CEP70: variants seen among roughly 807,000 people sequenced by gnomAD.
CEP70 encodes the protein centrosomal protein 70, also known as centrosomal protein of 70 kDa.
CEP70 carries 70 observed loss-of-function variants against 90.9 expected under a neutral mutation model. That is an observed-to-expected ratio of 0.77 (90% CI 0.64 to 0.94). CEP70 has a LOEUF of 0.94. Ranked by LOEUF, CEP70 falls within the 40% of genes least tolerant of loss-of-function variation. The pLI is 0.00. For synonymous variants in CEP70, 220 were observed against 228.3 expected, an observed-to-expected ratio of 0.96 and a Z score of 0.33; for missense variants, 648 against 669.0, an observed-to-expected ratio of 0.97 and a Z score of 0.35.
chr3:138,505,446 G>A lies in CEP70; in HGVS notation c.1070C>T (p.Ser357Leu), dbSNP rs2034898868. 1 of 1,603,764 alleles carries A rather than the reference G, an allele frequency of 6.2e-7. No individual in the cohort carries two copies. The highest frequency in any genetic ancestry group is 8.5e-7 in the Non-Finnish European group (1 of 1,176,230). ...TGGAGCTCTTGGATTGTGGATAATT[G>A]AATTGATGCTACACAGCACCTTTAA... ...RYFQVLCSIN[S>L]IIHNPRAPVI... The change falls in exon 13 of 18, where the codon TCA becomes TTA. Residue 357 changes from serine (S) to leucine (L), a missense_variant. Transcript: ENST00000264982.
intron 6 of CEP70, among the ~76,000 whole-genome samples, chr3:138,566,023 A>T (rs1560425039): frequency 6.6e-6 from 1 of 152,248 alleles, no homozygotes; most frequent in Non-Finnish European, 1.5e-5. Context: ...AAGGATATGA[A>T]CAGACACTTG....
chr3:138,565,922 C>T (rs191708871), intron 6 of CEP70, among the ~76,000 whole-genome samples: 302 of 152,008 alleles, frequency 2.0e-3, no homozygotes, highest in South Asian at 8.5e-3. Flanking sequence ...TGCAATCTAC[C>T]CATCTGACAA....
chr3:138,497,000 CAT>C, intron 17 of CEP70: 1 of 991,514 alleles, frequency 1.0e-6, no homozygotes, highest in South Asian at 4.6e-5. Context: ...AAGCAAGAAT[CAT>C]ATTATTCTAT....
chr3:138,505,422 G>A lies in CEP70; in HGVS notation c.1094C>T (p.Pro365Leu). The change falls in exon 13 of 18, where the codon CCA (proline) becomes CTA (leucine). Residue 365 changes from proline (P) to leucine (L), a missense_variant. Transcript: ENST00000264982. ...TTTGGTCTGTTTATAAATTATTACT[G>A]GAGCTCTTGGATTGTGGATAATTGA... Reference protein sequence around the residue: ...INSIIHNPRAPVIIYKQTKGG... With the variant: ...INSIIHNPRALVIIYKQTKGG... 6.2e-7 allele frequency: 1 copy of A among 1,608,838 alleles called. No individual in the cohort carries two copies. Among genetic ancestry groups the A allele is most frequent in the Non-Finnish European group, 8.5e-7 (1 of 1,178,094 alleles).
In CEP70 at chr3:138,555,094, C is replaced by A. The variant is rs180959300; in HGVS notation, c.465+15224G>T. Among the ~76,000 whole-genome samples the A allele has an allele frequency of 2.3e-3, 356 of 152,084 alleles. 1 individual carries two copies. Among genetic ancestry groups the A allele is most frequent in the Non-Finnish European group, 3.1e-3 (208 of 67,980 alleles). ...TGAAACCCTGTCTCTACTAAAAATA[C>A]ATAAATTAGCTGGTCATGGTGGCAG... On this transcript the variant is annotated intron_variant, in intron 6 of 17. Transcript: ENST00000264982.
chr3:138,536,079 A>T (rs1307449808), intron 7 of CEP70, among the ~76,000 whole-genome samples: 1 of 152,084 alleles, frequency 6.6e-6, no homozygotes, highest in African/African-American at 2.4e-5. Flanking sequence ...TAAAATAGAA[A>T]CATCTAATTA....
intron 7 of CEP70, 22 bp downstream of exon 7, chr3:138,537,156 T>A (rs1203895844): frequency 4.1e-6 from 6 of 1,458,524 alleles, no homozygotes; most frequent in Non-Finnish European, 5.5e-6. Flanking sequence ...TAGCTACATA[T>A]CAATTTATGT....
intron 11 of CEP70, among the ~76,000 whole-genome samples, chr3:138,523,515 A>G (rs1398703187): frequency 6.6e-6 from 1 of 152,142 alleles, no homozygotes; most frequent in African/African-American, 2.4e-5. Flanking sequence ...CTGATAGGCA[A>G]CTTCAGCAAA....
intron 13 of CEP70, among the ~76,000 whole-genome samples, chr3:138,501,644 C>T (rs957481358): frequency 2.6e-5 from 4 of 152,094 alleles, no homozygotes; most frequent in African/African-American, 9.7e-5. Context: ...GTGAAAGGTT[C>T]CCTAAATGTA....
intron 6 of CEP70, among the ~76,000 whole-genome samples, chr3:138,569,776 A>G (rs186503411): frequency 2.5e-4 from 38 of 152,246 alleles, no homozygotes; most frequent in African/African-American, 8.2e-4. Flanking sequence ...GCTGAGGTGG[A>G]AGGATCACTT....
chr3:138,573,071 C>T (rs2041287370), intron 2 of CEP70, 139 bp from the exon 3 acceptor site: 3 of 629,452 alleles, frequency 4.8e-6, no homozygotes, highest in African/African-American at 3.7e-5. Flanking sequence ...CAATTCAGGT[C>T]ATTCCTGCGT....
intron 6 of CEP70, among the ~76,000 whole-genome samples, chr3:138,559,127 C>T: frequency 6.6e-6 from 1 of 152,012 alleles, no homozygotes; most frequent in Non-Finnish European, 1.5e-5. Context: ...AGCAAAGACA[C>T]TAGAAATTCT....
chr3:138,511,896 A>C (rs1187049027), intron 11 of CEP70, among the ~76,000 whole-genome samples: 2 of 152,232 alleles, frequency 1.3e-5, no homozygotes. Flanking sequence ...TATTACTGAA[A>C]AACTTCACAT....
At chr3:138,549,392 G>A (rs547152755) in intron 6 of CEP70, among the ~76,000 whole-genome samples, 3 of 151,924 alleles carry the variant, frequency 2.0e-5, no homozygotes, top group East Asian at 1.9e-4. Context: ...GAGTGAGACC[G>A]GCCTTTTGGA....
intron 6 of CEP70, among the ~76,000 whole-genome samples, chr3:138,547,475 A>G (rs2039299423): frequency 6.6e-6 from 1 of 152,196 alleles, no homozygotes; most frequent in Non-Finnish European, 1.5e-5. Context: ...AACTAGCATT[A>G]ATTTCTTTTT....
intron 7 of CEP70, among the ~76,000 whole-genome samples, chr3:138,534,414 C>T (rs775759940): frequency 1.3e-5 from 2 of 152,306 alleles, no homozygotes; most frequent in African/African-American, 2.4e-5. Flanking sequence ...ATCCTCTTGA[C>T]CTACTTCCCC....
chr3:138,541,957 G>A (rs760524766), intron 6 of CEP70, among the ~76,000 whole-genome samples: 4 of 152,128 alleles, frequency 2.6e-5, no homozygotes, highest in Admixed American at 6.5e-5. Context: ...TCAGTGTGTC[G>A]CTTCACCAGC....
intron 17 of CEP70, 24 bp from the exon 18 acceptor site, chr3:138,495,100 T>A: frequency 7.1e-7 from 1 of 1,399,044 alleles, no homozygotes. Context: ...ACAGTAATAA[T>A]AAAAGAGAGT....
intron 6 of CEP70, among the ~76,000 whole-genome samples, chr3:138,557,871 T>C (rs2040132483): frequency 6.6e-6 from 1 of 152,188 alleles, no homozygotes. Context: ...ATATTAGAGT[T>C]ATCAGACACA....
Sources: gnomAD v4.1 joint callset for allele counts (sites outside exome capture counted in the v4.1 genomes callset) on GRCh38, gnomAD v4.1.1 for gene constraint, MANE v1.5 for transcripts, NCBI Gene and HGNC (gene_info 2026-07-23, HGNC 2026-07-21) for gene names.